Variants in CCDC73 observed in about 807,000 individuals in gnomAD.
CCDC73 encodes the protein coiled-coil domain containing 73, also known as coiled-coil domain-containing protein 73.
CCDC73 carries 95 observed loss-of-function variants against 116.5 expected under a neutral mutation model. The ratio of observed to expected loss-of-function variants is 0.82; its 90% CI spans 0.69 to 0.97. The LOEUF is 0.97. CCDC73 is among the 50% of genes least tolerant of loss of function. The probability of loss-of-function intolerance (pLI) is 0.00; values close to 1 mark genes in which losing one functional copy is unlikely to be tolerated. For missense variants in CCDC73, 1,066 were observed against 1,206.8 expected (o/e 0.88, Z 1.73); for synonymous variants, 398 against 401.3 (o/e 0.99, Z 0.10).
chr11:32,719,518 GAA>G (rs1565084208), intron 2 of CCDC73, among the ~76,000 whole-genome samples: 1 of 152,124 alleles, frequency 6.6e-6, no homozygotes, highest in Non-Finnish European at 1.5e-5. Flanking sequence ...TAGAAAGTGA[GAA>G]GAGTCTGATT....
chr11:32,718,105 C>G lies in CCDC73; in HGVS notation c.178G>C (p.Val60Leu), dbSNP rs758721256. 1.7e-5 allele frequency: 28 copies of G among 1,608,418 alleles called. No individual in the cohort carries two copies. The highest frequency in any genetic ancestry group is 2.3e-5 in the Non-Finnish European group (27 of 1,178,078). ...HYEEQIGKII[V>L]ETQELKWQKE... is the part of the protein sequence containing the mutation. Reference sequence around the variant, plus strand: ...TGCCATTTAAGTTCCTGTGTCTCCACAATAATTTTACCAATCTGCTCTTCA... The same window carrying G: ...TGCCATTTAAGTTCCTGTGTCTCCAGAATAATTTTACCAATCTGCTCTTCA... Residue 60 changes from valine (V) to leucine (L), a missense_variant, in exon 3 of 18, where the codon GTG becomes CTG. Val to Leu is a conservative substitution (Grantham distance 32). Coordinates refer to ENST00000335185, the MANE Select transcript of CCDC73 (RefSeq NM_001008391.4).
At chr11:32,661,887 A>C (rs897816755) in intron 9 of CCDC73, among the ~76,000 whole-genome samples, 1 of 150,368 alleles carries the variant, frequency 6.7e-6, no homozygotes, top group Non-Finnish European at 1.5e-5. Context: ...TCCTGCGTCC[A>C]TGTGTTCTCA....
chr11:32,762,635 G>A (rs1850401909), intron 1 of CCDC73, among the ~76,000 whole-genome samples: 1 of 151,908 alleles, frequency 6.6e-6, no homozygotes, highest in African/African-American at 2.4e-5. Flanking sequence ...AAGAGAAGAG[G>A]AGAAAGATGG....
At position 32,616,053 on chromosome 11, in the gene CCDC73, TTA is replaced by T; in HGVS notation, c.1260_1261del (p.Tyr420Ter). Reference sequence around the variant, plus strand: ...TTCTTCCCTTATTTCTTGCTCAGTATTATATTTCTGTATAATGGTGTTTTCTG... The same window carrying T: ...TTCTTCCCTTATTTCTTGCTCAGTATTATTTCTGTATAATGGTGTTTTCTG... On this transcript the variant is annotated stop_gained and frameshift_variant, in exon 15 of 18. Coordinates refer to ENST00000335185, the MANE Select transcript of CCDC73 (RefSeq NM_001008391.4). LOFTEE classifies it high-confidence loss of function. 6.2e-7 allele frequency: 1 copy of T among 1,603,548 alleles called. No individual in the cohort carries two copies. The highest frequency in any genetic ancestry group is 1.1e-5 in the South Asian group (1 of 88,444).
the CCDC73 span, among the ~76,000 whole-genome samples, chr11:32,821,368 G>A: frequency 2.6e-5 from 4 of 152,152 alleles, no homozygotes; most frequent in South Asian, 6.2e-4. Flanking sequence ...AAAATTTCCT[G>A]ACATAAGTAT....
At chr11:32,803,612 C>G in the CCDC73 span, among the ~76,000 whole-genome samples, 1 of 152,064 alleles carries the variant, frequency 6.6e-6, no homozygotes, top group Non-Finnish European at 1.5e-5. Context: ...GGCAGCTATC[C>G]TATATTGCCA....
At chr11:32,642,103 C>CA (rs749910431) in intron 12 of CCDC73, 21 bp from the exon 13 acceptor site, 1 of 1,507,668 alleles carries the variant, frequency 6.6e-7, no homozygotes, top group South Asian at 1.4e-5. Context: ...ATTAATTATC[C>CA]AAAAAATAAT....
chr11:32,610,222 C>T (rs1855408014), intron 17 of CCDC73, among the ~76,000 whole-genome samples: 1 of 152,128 alleles, frequency 6.6e-6, no homozygotes, highest in Non-Finnish European at 1.5e-5. Context: ...GACCCGCCCC[C>T]ATGATTCAAT....
intron 2 of CCDC73, among the ~76,000 whole-genome samples, chr11:32,736,939 CATAT>C (rs35223301): frequency 2.0e-5 from 3 of 146,744 alleles, no homozygotes; most frequent in Non-Finnish European, 1.5e-5. Flanking sequence ...CATGTTCTCA[CATAT>C]ATATATATAT....
intron 10 of CCDC73, among the ~76,000 whole-genome samples, chr11:32,654,423 C>T (rs1855852973): frequency 6.6e-6 from 1 of 152,190 alleles, no homozygotes; most frequent in Non-Finnish European, 1.5e-5. Context: ...ATCCACCCAC[C>T]TCAGCCTCCT....
intron 17 of CCDC73, among the ~76,000 whole-genome samples, chr11:32,608,968 G>A (rs1386565353): frequency 1.3e-5 from 2 of 152,116 alleles, no homozygotes; most frequent in African/African-American, 4.8e-5. Context: ...TCCCTAAGCT[G>A]CACACAGCAC....
At chr11:32,828,056 T>G in the CCDC73 span, among the ~76,000 whole-genome samples, 1 of 152,070 alleles carries the variant, frequency 6.6e-6, no homozygotes, top group Admixed American at 6.6e-5. Context: ...AGGAAGGGAT[T>G]GGAAGAAGGG....
chr11:32,817,179 C>T, the CCDC73 span, among the ~76,000 whole-genome samples: 1 of 152,226 alleles, frequency 6.6e-6, no homozygotes, highest in Admixed American at 6.5e-5. Flanking sequence ...AGAAACTGCA[C>T]AGCCAGTATC....
chr11:32,813,388 C>G, the CCDC73 span, among the ~76,000 whole-genome samples: 1 of 152,092 alleles, frequency 6.6e-6, no homozygotes. Context: ...TTCTGAGTAA[C>G]TGGGACAACA....
chr11:32,629,934 A>AAAAAAAAAAAAAAAAAT (rs1855615725), intron 14 of CCDC73, among the ~76,000 whole-genome samples: 1 of 147,402 alleles, frequency 6.8e-6, no homozygotes, highest in African/African-American at 2.6e-5. Flanking sequence ...AAAAAAAAAA[A>AAAAAAAAAAAAAAAAAT]CAAAAAAAAA....
chr11:32,691,939 T>C (rs7104435), intron 6 of CCDC73, among the ~76,000 whole-genome samples: 84,923 of 150,296 alleles, frequency 0.57, 24,297 homozygotes, highest in East Asian at 0.84. Flanking sequence ...TCCCAGCTAC[T>C]TGGGAGGCTG....
the CCDC73 span, among the ~76,000 whole-genome samples, chr11:32,806,125 T>C: frequency 6.6e-6 from 1 of 152,248 alleles, no homozygotes; most frequent in Non-Finnish European, 1.5e-5. Flanking sequence ...TTAACTCACA[T>C]TGCCCTATGT....
chr11:32,647,432 C>G (rs1855788812), intron 12 of CCDC73, among the ~76,000 whole-genome samples: 2 of 152,210 alleles, frequency 1.3e-5, no homozygotes, highest in Admixed American at 1.3e-4. Context: ...CCACCTCCAA[C>G]ATTGGGGTTT....
At chr11:32,607,218 A>G (rs1224835480) in intron 17 of CCDC73, among the ~76,000 whole-genome samples, 1 of 137,294 alleles carries the variant, frequency 7.3e-6, no homozygotes, top group Non-Finnish European at 1.5e-5. Flanking sequence ...TCAGCCTCCC[A>G]AGTAGCTGGG....
Sources: allele counts gnomAD v4.1 joint callset (sites outside exome capture counted in the v4.1 genomes callset), GRCh38; gene constraint gnomAD v4.1.1; transcripts MANE v1.5; gene names NCBI Gene and HGNC (gene_info 2026-07-23, HGNC 2026-07-21).